Variants in HSDL2 observed in about 807,000 individuals in gnomAD.
The protein encoded by HSDL2 is hydroxysteroid dehydrogenase-like protein 2.
A neutral mutation model predicts 46.3 loss-of-function variants in HSDL2; 27 were observed. The ratio of observed to expected loss-of-function variants is 0.58; its 90% CI spans 0.43 to 0.80. HSDL2 has a LOEUF of 0.80. HSDL2 is among the 30% of genes least tolerant of loss of function. The probability of loss-of-function intolerance (pLI) is 0.00; values close to 1 mark genes in which losing one functional copy is unlikely to be tolerated. For missense variants in HSDL2, 451 were observed against 502.7 expected (o/e 0.90, Z 0.98); for synonymous variants, 153 against 163.6 (o/e 0.94, Z 0.50).
At chr9:112,399,491 G>A (rs932345147) in intron 1 of HSDL2, among the ~76,000 whole-genome samples, 1 of 152,166 alleles carries the variant, frequency 6.6e-6, no homozygotes, top group African/African-American at 2.4e-5. Flanking sequence ...CAGAGAACCA[G>A]TTGGACCACA....
chr9:112,399,654 A>T (rs1831544279), intron 1 of HSDL2, among the ~76,000 whole-genome samples: 1 of 152,104 alleles, frequency 6.6e-6, no homozygotes, highest in South Asian at 2.1e-4. Context: ...TTCCTTTCCC[A>T]GGGTATTAAT....
chr9:112,401,618 A>G (rs1587934096), intron 1 of HSDL2, among the ~76,000 whole-genome samples: 1 of 151,358 alleles, frequency 6.6e-6, no homozygotes, highest in Non-Finnish European at 1.5e-5. Flanking sequence ...CTGGGGCCAT[A>G]GTTTGCAGAC....
At chr9:112,453,933 T>C in intron 8 of HSDL2, 80 bp from the exon 9 acceptor site, 1 of 1,296,442 alleles carries the variant, frequency 7.7e-7, no homozygotes, top group Non-Finnish European at 1.0e-6. Context: ...GTGGCAAGTC[T>C]GTCCTGCTGA....
chr9:112,406,181 GA>G (rs909187738), intron 3 of HSDL2, among the ~76,000 whole-genome samples: 3 of 148,486 alleles, frequency 2.0e-5, no homozygotes, highest in African/African-American at 7.4e-5. Context: ...AAAAAAAAAA[GA>G]AAAAGAGTGT....
chr9:112,403,826 G>T (rs570414604), intron 1 of HSDL2, among the ~76,000 whole-genome samples, 169 bp from the exon 2 acceptor site: 7 of 152,324 alleles, frequency 4.6e-5, no homozygotes, highest in Admixed American at 3.9e-4. Context: ...CAGTCATTGT[G>T]CAATGGGAGT....
At chr9:112,439,988 A>G (rs1156995534) in intron 7 of HSDL2, among the ~76,000 whole-genome samples, 1 of 152,246 alleles carries the variant, frequency 6.6e-6, no homozygotes, top group Non-Finnish European at 1.5e-5. Flanking sequence ...TGCCCAGCAT[A>G]TAGTACACTC....
intron 1 of HSDL2, among the ~76,000 whole-genome samples, chr9:112,388,732 C>T (rs62568815): frequency 0.042 from 6,393 of 151,442 alleles, 199 homozygotes; most frequent in Non-Finnish European, 0.068. Context: ...CTAACCTGGG[C>T]GACTGAGTGT....
chr9:112,465,380 C>T (rs1213041600), intron 10 of HSDL2, among the ~76,000 whole-genome samples: 4 of 152,172 alleles, frequency 2.6e-5, no homozygotes, highest in East Asian at 1.9e-4. Flanking sequence ...CCTCCTGCCT[C>T]GGCCTGCCAA....
intron 6 of HSDL2, among the ~76,000 whole-genome samples, chr9:112,421,008 T>C (rs1179644322): frequency 6.6e-6 from 1 of 152,086 alleles, no homozygotes; most frequent in Non-Finnish European, 1.5e-5. Context: ...GAATGCATAG[T>C]GGGAACCACT....
At chr9:112,402,956 AAC>A (rs966946852) in intron 1 of HSDL2, among the ~76,000 whole-genome samples, 21 of 151,780 alleles carry the variant, frequency 1.4e-4, no homozygotes, top group African/African-American at 4.6e-4. Context: ...AAGAAAAAAA[AAC>A]ACACACACAC....
At position 112,454,165 on chromosome 9, in the gene HSDL2, A is replaced by T; in HGVS notation, c.1015+3A>T. 1 of 1,606,964 alleles carries T rather than the reference A, an allele frequency of 6.2e-7. No individual in the cohort carries two copies. Among genetic ancestry groups the T allele is most frequent in the Non-Finnish European group, 8.5e-7 (1 of 1,178,074 alleles). On this transcript the variant is annotated splice_donor_region_variant and intron_variant, in intron 9 of 10. Coordinates refer to ENST00000398805, the MANE Select transcript of HSDL2 (RefSeq NM_032303.5). ...AATCTATCTGTTTGAACTCTCCGGT[A>T]AGGACTGCATCTGGTAATCTGAAGT...
rs372577384 is a variant in HSDL2 at position 112,401,719 on chromosome 9, G to T, written c.18-2276G>T. Among the ~76,000 whole-genome samples the T allele has an allele frequency of 1.5e-3, 227 of 152,194 alleles. 11 individuals are homozygous for T. In the South Asian group the frequency reaches 0.046, roughly 31 times the overall value. On this transcript the variant is annotated intron_variant, in intron 1 of 10. Coordinates refer to ENST00000398805, the MANE Select transcript of HSDL2 (RefSeq NM_032303.5). Reference sequence around the variant, plus strand: ...TAAGGTAGTTTTCGTTCTGTGGGGTGGGGGAGGGAAGGAGGATAGAGTTGG... The same window carrying T: ...TAAGGTAGTTTTCGTTCTGTGGGGTTGGGGAGGGAAGGAGGATAGAGTTGG...
chr9:112,388,182 C>G (rs556049031), intron 1 of HSDL2, among the ~76,000 whole-genome samples: 4,022 of 151,112 alleles, frequency 0.027, 141 homozygotes, highest in East Asian at 0.1. Context: ...CAAAAAAAAA[C>G]CCAGGCACAG....
intron 10 of HSDL2, among the ~76,000 whole-genome samples, chr9:112,460,323 T>TCTTTA (rs1314111758): frequency 6.6e-6 from 1 of 152,240 alleles, no homozygotes; most frequent in East Asian, 1.9e-4. Context: ...TCTAAGTCTT[T>TCTTTA]CTTTACAGTT....
intron 10 of HSDL2, among the ~76,000 whole-genome samples, chr9:112,462,093 CTT>C (rs779155891): frequency 6.6e-6 from 1 of 152,178 alleles, no homozygotes; most frequent in Non-Finnish European, 1.5e-5. Context: ...ACAATTTAGA[CTT>C]TATATCCTAA....
At position 112,449,150 on chromosome 9, in the gene HSDL2, G is replaced by A. The variant is rs192703949; in HGVS notation, c.866-4863G>A. On this transcript the variant is annotated intron_variant, in intron 8 of 10. Transcript: ENST00000398805. ...CTCCCAGGCTGGAGCGCAGTGGCAC[G>A]ATCTCGGCTCACTGCAACCCCTGCC... Among the ~76,000 whole-genome samples the A allele has an allele frequency of 3.7e-3, 525 of 142,998 alleles. 1 individual carries two copies. Among genetic ancestry groups the A allele is most frequent in the Non-Finnish European group, 5.6e-3 (371 of 66,498 alleles). The allele number at this position is 142,998 out of a possible 152,430, so 93.8% of individuals were successfully genotyped here. A position where few individuals can be genotyped will look rare whatever the true frequency, so the allele number is the denominator to read the frequency against.
rs1026729659 is a variant in HSDL2 at position 112,470,424 on chromosome 9, C to G, written c.1145-8C>G. On this transcript the variant is annotated splice_polypyrimidine_tract_variant and splice_region_variant and intron_variant, in intron 10 of 10. Coordinates refer to ENST00000398805, the MANE Select transcript of HSDL2 (RefSeq NM_032303.5). Reference sequence around the variant, plus strand: ...GTTGCTTTTCCCTCTCTCATTTTCTCATTTTAGGGAAACTAAAACCAACAA... The same window carrying G: ...GTTGCTTTTCCCTCTCTCATTTTCTGATTTTAGGGAAACTAAAACCAACAA... The G allele has an allele frequency of 6.3e-7, 1 of 1,576,740 alleles. No individual in the cohort carries two copies. Among genetic ancestry groups the G allele is most frequent in the Non-Finnish European group, 8.7e-7 (1 of 1,148,580 alleles).
Position 112,418,897 on chromosome 9 carries a change from G to A in HSDL2, c.537G>A (p.Val179=), listed in dbSNP as rs1381654879. ...TIAKYGMSMY[V]LGMAEEFKGE... Reference sequence around the variant, plus strand: ...CTAAGTATGGTATGTCTATGTATGTGCTTGGAATGGCAGAAGAATTTAAAG... The same window carrying A: ...CTAAGTATGGTATGTCTATGTATGTACTTGGAATGGCAGAAGAATTTAAAG... Residue 179 remains valine (V), a synonymous_variant, in exon 6 of 11, where the codon GTG becomes GTA. Coordinates refer to ENST00000398805, the MANE Select transcript of HSDL2 (RefSeq NM_032303.5). 2 of 1,604,842 alleles carry A rather than the reference G, an allele frequency of 1.2e-6. No homozygotes were observed. Among genetic ancestry groups the A allele is most frequent in the Admixed American group, 1.7e-5 (1 of 59,774 alleles).
At chr9:112,390,077 T>TAAAC (rs1831306969) in intron 1 of HSDL2, among the ~76,000 whole-genome samples, 1 of 148,988 alleles carries the variant, frequency 6.7e-6, no homozygotes, top group South Asian at 2.1e-4. Flanking sequence ...AATAAATAAA[T>TAAAC]AAATAAATAA....
Sources: gnomAD v4.1 joint callset for allele counts (sites outside exome capture counted in the v4.1 genomes callset) on GRCh38, gnomAD v4.1.1 for gene constraint, MANE v1.5 for transcripts, NCBI Gene and HGNC (gene_info 2026-07-23, HGNC 2026-07-21) for gene names.